Variants in MAML3 observed in about 807,000 individuals in gnomAD.
MAML3 encodes the protein mastermind-like protein 3.
In MAML3, 27 loss-of-function variants were observed where a neutral mutation model predicts 101.9. The observed-to-expected ratio is 0.27, with a 90% CI of 0.20 to 0.37. MAML3 has a LOEUF of 0.37. MAML3 is among the 10% of genes least tolerant of loss of function. The pLI is 1.00. For missense variants in MAML3, 1,316 were observed against 1,444.9 expected, an observed-to-expected ratio of 0.91 and a Z score of 1.45; for synonymous variants, 501 against 555.9, an observed-to-expected ratio of 0.90 and a Z score of 1.39.
intron 1 of MAML3, among the ~76,000 whole-genome samples, chr4:139,947,064 C>T (rs1733745762): frequency 6.6e-6 from 1 of 152,088 alleles, no homozygotes; most frequent in Admixed American, 6.6e-5. Context: ...CACAACCTTT[C>T]CAATTGTTGT....
chr4:139,942,252 T>C (rs1578609423), intron 1 of MAML3, among the ~76,000 whole-genome samples: 1 of 151,868 alleles, frequency 6.6e-6, no homozygotes, highest in East Asian at 1.9e-4. Flanking sequence ...AGCCATAATA[T>C]CAAGAAGAAC....
intron 2 of MAML3, among the ~76,000 whole-genome samples, chr4:139,793,493 G>A (rs1046835265): frequency 3.9e-5 from 6 of 152,146 alleles, no homozygotes; most frequent in African/African-American, 1.4e-4. Context: ...ATCTCAAGCA[G>A]ATGGATGCAA....
intron 1 of MAML3, among the ~76,000 whole-genome samples, chr4:139,999,867 GA>G (rs1173299094): frequency 6.6e-6 from 1 of 152,214 alleles, no homozygotes; most frequent in African/African-American, 2.4e-5. Context: ...TATACATTAA[GA>G]ACTCAGTAAA....
chr4:139,935,255 C>A (rs1334866873), intron 1 of MAML3, among the ~76,000 whole-genome samples: 1 of 146,786 alleles, frequency 6.8e-6, no homozygotes, highest in African/African-American at 2.5e-5. Context: ...TTAATCCTTA[C>A]AAGTTTATTA....
At position 139,942,211 on chromosome 4, in the gene MAML3, A is replaced by AGGCAGGC. The variant is rs879494193; in HGVS notation, c.469-51245_469-51244insGCCTGCC. The stretch of plus-strand genomic sequence containing the variant: ...GCAGGCAGGCAGGCAGGCAGGCAGG[A>AGGCAGGC]AGGAAGACATCCTTTAATACCAGAA... On this transcript the variant is annotated intron_variant, in intron 1 of 4. Transcript: ENST00000509479. Among the ~76,000 whole-genome samples, 1,483 of 148,884 alleles carry AGGCAGGC rather than the reference A, an allele frequency of 1.0e-2. 18 individuals are homozygous for AGGCAGGC. Among genetic ancestry groups the AGGCAGGC allele is most frequent in the South Asian group, 0.031 (146 of 4,784 alleles).
intron 1 of MAML3, among the ~76,000 whole-genome samples, chr4:140,066,482 G>A (rs996409476): frequency 1.3e-5 from 2 of 152,132 alleles, no homozygotes; most frequent in African/African-American, 4.8e-5. Flanking sequence ...AACCCAGAGT[G>A]CTCCCTAATG....
chr4:139,952,120 G>A (rs1244027463), intron 1 of MAML3, among the ~76,000 whole-genome samples: 4 of 152,136 alleles, frequency 2.6e-5, no homozygotes, highest in Non-Finnish European at 5.9e-5. Context: ...AGCCGAGATC[G>A]TGCCATTGCA....
intron 4 of MAML3, among the ~76,000 whole-genome samples, chr4:139,722,959 C>CTGAT (rs1314642087): frequency 2.2e-4 from 34 of 152,292 alleles, no homozygotes; most frequent in Non-Finnish European, 1.6e-4. Flanking sequence ...ACTGGCTTTA[C>CTGAT]TGATAGTATT....
At position 139,889,862 on chromosome 4, in the gene MAML3, G is replaced by C; in HGVS notation, c.1574C>G (p.Ser525Cys). The C allele has an allele frequency of 6.2e-7, 1 of 1,613,608 alleles. No individual in the cohort carries two copies. The highest frequency in any genetic ancestry group is 8.5e-7 in the Non-Finnish European group (1 of 1,179,864). Reference sequence around the variant, plus strand: ...AGTAAAAGCTGCTCCATATGGACTAGAGGGAGGTCCTAAGGGAGACCAATT... The same window carrying C: ...AGTAAAAGCTGCTCCATATGGACTACAGGGAGGTCCTAAGGGAGACCAATT... ...TSNWSPLGPP[S>C]SPYGAAFTAE... The change falls in exon 2 of 5, where the codon TCT (serine) becomes TGT (cysteine). Residue 525 changes from serine (S) to cysteine (C), a missense_variant. Coordinates refer to ENST00000509479, the MANE Select transcript of MAML3 (RefSeq NM_018717.5).
rs11729794 is a variant in MAML3, at chr4:139,889,546, C to G, written c.1890G>C (p.Pro630=). The part of the protein sequence containing the change: ...VANPNKNPLM[P]YIQQQQQQQQ... The stretch of plus-strand genomic sequence containing the variant: ...GCTGCTGTTGCTGCTGCTGGATATA[C>G]GGCATCAAGGGGTTTTTGTTGGGGT... The change falls in exon 2 of 5, where the codon CCG becomes CCC. Residue 630 remains proline, a synonymous_variant. Transcript: ENST00000509479. The G allele has an allele frequency of 6.1e-4, 979 of 1,613,562 alleles. 8 individuals are homozygous for G. The African/African-American group carries it at 0.011, about 19-fold the overall frequency.
intron 1 of MAML3, among the ~76,000 whole-genome samples, chr4:139,910,649 G>C (rs1430807909): frequency 6.6e-6 from 1 of 152,110 alleles, no homozygotes; most frequent in Non-Finnish European, 1.5e-5. Flanking sequence ...TATTAGGTGT[G>C]ACTCTTCTAT....
intron 2 of MAML3, among the ~76,000 whole-genome samples, chr4:139,812,411 T>C (rs1730821205): frequency 6.6e-6 from 1 of 152,202 alleles, no homozygotes; most frequent in African/African-American, 2.4e-5. Flanking sequence ...GCATAGTACA[T>C]GGCCATCCTA....
intron 2 of MAML3, among the ~76,000 whole-genome samples, chr4:139,878,426 G>C (rs1340782984): frequency 1.3e-5 from 2 of 152,160 alleles, no homozygotes; most frequent in Non-Finnish European, 2.9e-5. Context: ...AGGTTACACT[G>C]TTTTGGTATC....
chr4:140,093,959 G>A (rs1430133349), intron 1 of MAML3, among the ~76,000 whole-genome samples: 1 of 152,186 alleles, frequency 6.6e-6, no homozygotes, highest in African/African-American at 2.4e-5. Context: ...CCATCCTTTG[G>A]AGCCCCAGTA....
At chr4:139,736,632 A>G (rs1486306956) in intron 2 of MAML3, among the ~76,000 whole-genome samples, 3 of 152,350 alleles carry the variant, frequency 2.0e-5, no homozygotes. Flanking sequence ...GCAATTTGGG[A>G]AAAATGAGTA....
Position 139,842,570 on chromosome 4 carries a change from G to A in MAML3, c.2079+46787C>T, listed in dbSNP as rs569202463. Among the ~76,000 whole-genome samples, 64 of 152,104 alleles carry A rather than the reference G, an allele frequency of 4.2e-4. 1 individual carries two copies. In the Middle Eastern group the frequency reaches 0.01, roughly 24 times the overall value. ...ATCTTGCTCTGCCACCCAGGCTGGA[G>A]TGCAGTGGTGCAATCTTGGCTCACT... On this transcript the variant is annotated intron_variant, in intron 2 of 4. Coordinates refer to ENST00000509479, the MANE Select transcript of MAML3 (RefSeq NM_018717.5).
At chr4:139,980,493 A>G (rs1734425738) in intron 1 of MAML3, among the ~76,000 whole-genome samples, 2 of 152,282 alleles carry the variant, frequency 1.3e-5, no homozygotes, top group Non-Finnish European at 2.9e-5. Flanking sequence ...ATGGAGTCCA[A>G]ACATATTAAA....
At chr4:139,768,222 TTGTGTGTGTGTGTG>T (rs34182828) in intron 2 of MAML3, among the ~76,000 whole-genome samples, 29 of 136,438 alleles carry the variant, frequency 2.1e-4, no homozygotes, top group South Asian at 5.2e-4. Context: ...CTGTTGATAG[TTGTGTGTGTGTGTG>T]TGTGTGTGTG....
At position 139,948,960 on chromosome 4, in the gene MAML3, C is replaced by A. The variant is rs141046585; in HGVS notation, c.469-57993G>T. The stretch of plus-strand genomic sequence containing the variant: ...TAAGCTCTTCCCTATGGCCATGCAG[C>A]CTCTACGCCTTATTGACATGCTTCT... On this transcript the variant is annotated intron_variant, in intron 1 of 4. Coordinates refer to ENST00000509479, the MANE Select transcript of MAML3 (RefSeq NM_018717.5). Among the ~76,000 whole-genome samples the A allele has an allele frequency of 7.9e-5, 12 of 152,240 alleles. No individual in the cohort carries two copies. The East Asian group carries it at 2.3e-3, about 29-fold the overall frequency.
Sources: gnomAD v4.1 joint callset for allele counts (sites outside exome capture counted in the v4.1 genomes callset) on GRCh38, gnomAD v4.1.1 for gene constraint, MANE v1.5 for transcripts, NCBI Gene and HGNC (gene_info 2026-07-23, HGNC 2026-07-21) for gene names.